Variants in RERE observed in about 807,000 individuals in gnomAD.
RERE encodes the protein arginine-glutamic acid dipeptide repeats protein.
Under a neutral mutation model 146.1 loss-of-function variants are expected in RERE, and 40 were observed. The observed-to-expected ratio is 0.27, with a 90% CI of 0.21 to 0.36. RERE has a LOEUF of 0.36. RERE is among the 10% of genes least tolerant of loss of function. RERE has a pLI of 1.00. For synonymous variants in RERE, 1,003 were observed against 866.0 expected (o/e 1.16, Z -2.78); for missense variants, 1,933 against 2,138.7 (o/e 0.90, Z 1.90).
At chr1:8,435,775 C>G (rs891282413) in intron 11 of RERE, among the ~76,000 whole-genome samples, 1 of 152,240 alleles carries the variant, frequency 6.6e-6, no homozygotes, top group African/African-American at 2.4e-5. Context: ...GCCCATTGAG[C>G]TATCCTATAT....
At chr1:8,638,646 C>T (rs1647132293) in intron 2 of RERE, among the ~76,000 whole-genome samples, 1 of 152,140 alleles carries the variant, frequency 6.6e-6, no homozygotes, top group African/African-American at 2.4e-5. Flanking sequence ...ACTGACCATA[C>T]AACAAATGTT....
At position 8,423,706 on chromosome 1, in the gene RERE, G is replaced by A. The variant is rs1643952954; in HGVS notation, c.1204-899C>T. On this transcript the variant is annotated intron_variant, in intron 11 of 22. Coordinates refer to ENST00000400908, the MANE Select transcript of RERE (RefSeq NM_001042681.2). This position sits in a 1 kb window ranked among gnomAD's most constrained non-coding sequence, Gnocchi z 5.4. ...CGGAGGCGGCCGCGGGTGGCTCGGC[G>A]TGTGACCGCGGCGGGGCCGCGCGGC... is the stretch of plus-strand genomic sequence containing the variant. The A allele has an allele frequency of 2.0e-6, 2 of 981,436 alleles. No homozygotes were observed. Among genetic ancestry groups the A allele is most frequent in the Admixed American group, 6.3e-5 (1 of 15,906 alleles). 60.8% of individuals were successfully genotyped at this position (981,436 alleles called of 1,614,324 possible).
At chr1:8,412,962 T>C (rs1463959532) in intron 12 of RERE, among the ~76,000 whole-genome samples, 1 of 152,224 alleles carries the variant, frequency 6.6e-6, no homozygotes, top group East Asian at 1.9e-4. Flanking sequence ...TGATGGATTT[T>C]TTTTTCCTTT....
At chr1:8,425,549 G>A (rs1570212580) in intron 11 of RERE, 1 of 152,472 alleles carries the variant, frequency 6.6e-6, no homozygotes, top group South Asian at 2.1e-4. Flanking sequence ...CCTCCGTGAA[G>A]GTCAGAGGTG....
chr1:8,502,296 A>G (rs1645179181), intron 8 of RERE, among the ~76,000 whole-genome samples: 1 of 105,980 alleles, frequency 9.4e-6, no homozygotes, highest in African/African-American at 3.9e-5. Context: ...GGAAGTGAGG[A>G]GCCCCTCTGC....
intron 1 of RERE, among the ~76,000 whole-genome samples, chr1:8,658,969 C>T (rs572993537): frequency 6.6e-6 from 1 of 152,278 alleles, no homozygotes; most frequent in Non-Finnish European, 1.5e-5. Flanking sequence ...AGCAATCATG[C>T]ATCATAAGCT....
At chr1:8,741,701 T>A (rs544666524) in intron 1 of RERE, among the ~76,000 whole-genome samples, 1 of 152,334 alleles carries the variant, frequency 6.6e-6, no homozygotes, top group South Asian at 2.1e-4. Flanking sequence ...GAACTGTGAG[T>A]CAATTAAACC....
At chr1:8,725,511 A>G (rs993687744) in intron 1 of RERE, among the ~76,000 whole-genome samples, 1 of 152,236 alleles carries the variant, frequency 6.6e-6, no homozygotes, top group Admixed American at 6.5e-5. Context: ...GGTTGCAGTA[A>G]GCCGACATCG....
At position 8,812,741 on chromosome 1, in the gene RERE, T is replaced by C. The variant is rs574582634; in HGVS notation, c.-145+4419A>G. On this transcript the variant is annotated intron_variant, in intron 1 of 22. Coordinates refer to ENST00000400908, the MANE Select transcript of RERE (RefSeq NM_001042681.2). The stretch of plus-strand genomic sequence containing the variant: ...TGTACTCTCTGACCTAGTTACCTAA[T>C]GTACAGACACACAGTACATCTTATA... Among the ~76,000 whole-genome samples the C allele has an allele frequency of 5.3e-5, 8 of 152,330 alleles. No homozygotes were observed. In the South Asian group the frequency reaches 1.0e-3, roughly 20 times the overall value.
intron 1 of RERE, among the ~76,000 whole-genome samples, chr1:8,769,065 C>A (rs1640898129): frequency 6.6e-6 from 1 of 152,114 alleles, no homozygotes; most frequent in South Asian, 2.1e-4. Flanking sequence ...TGCTTTGGGG[C>A]TATAAGGGTA....
At chr1:8,778,262 T>C (rs1193255264) in intron 1 of RERE, among the ~76,000 whole-genome samples, 1 of 152,236 alleles carries the variant, frequency 6.6e-6, no homozygotes, top group Non-Finnish European at 1.5e-5. Context: ...AAGAAGATGT[T>C]TCTTGATGCG....
intron 2 of RERE, among the ~76,000 whole-genome samples, chr1:8,644,016 C>G (rs1570555194): frequency 6.6e-6 from 1 of 152,194 alleles, no homozygotes; most frequent in Admixed American, 6.5e-5. Context: ...ATTCTATTGA[C>G]CTCACTGTTC....
In RERE at chr1:8,656,307, C is replaced by T; in HGVS notation, c.-10G>A. 2 of 1,611,308 alleles carry T rather than the reference C, an allele frequency of 1.2e-6. No homozygotes were observed. Among genetic ancestry groups the T allele is most frequent in the East Asian group, 2.2e-5 (1 of 44,854 alleles). On this transcript the variant is annotated 5_prime_UTR_variant, in exon 2 of 23. The change creates a new upstream start codon in the 5' untranslated region. Coordinates refer to ENST00000400908, the MANE Select transcript of RERE (RefSeq NM_001042681.2). ...CTTTGTCCGCTGTCATGATTCGCCA[C>T]GTGCCTTCTTCTGTCCTCTCACGGC...
intron 1 of RERE, among the ~76,000 whole-genome samples, chr1:8,662,650 TCAC>T (rs1038183763): frequency 2.6e-5 from 4 of 152,080 alleles, no homozygotes; most frequent in Admixed American, 2.6e-4. Flanking sequence ...TGGGCTGTGA[TCAC>T]CACCACTGCA....
Position 8,352,763 on chromosome 1 carries a change from T to C in RERE, c.*2324A>G, listed in dbSNP as rs1412071745. On this transcript the variant is annotated 3_prime_UTR_variant, in exon 23 of 23. Transcript: ENST00000400908. ...AGGTCAGGGCCTCCTAAACAAACTGTAGTTTATCTGGTGAGGGTTTCGGGT... is the reference window on the plus strand; with the variant it reads ...AGGTCAGGGCCTCCTAAACAAACTGCAGTTTATCTGGTGAGGGTTTCGGGT... 1.3e-5 allele frequency: 2 copies of C among 152,310 alleles called. No homozygotes were observed. Among genetic ancestry groups the C allele is most frequent in the Non-Finnish European group, 2.9e-5 (2 of 68,020 alleles). The allele number at this position is 152,310 out of a possible 1,614,324, so 9.4% of individuals were successfully genotyped here. A position where few individuals can be genotyped will look rare whatever the true frequency, so the allele number is the denominator to read the frequency against.
At chr1:8,719,788 C>A (rs1639827004) in intron 1 of RERE, among the ~76,000 whole-genome samples, 1 of 152,168 alleles carries the variant, frequency 6.6e-6, no homozygotes, top group African/African-American at 2.4e-5. Flanking sequence ...TCTACCACCA[C>A]CCCCAGAGAA....
At chr1:8,733,526 G>A (rs1373758064) in intron 1 of RERE, among the ~76,000 whole-genome samples, 1 of 152,180 alleles carries the variant, frequency 6.6e-6, no homozygotes, top group Non-Finnish European at 1.5e-5. Flanking sequence ...AAAGCCAGGT[G>A]CAGTATCATG....
chr1:8,794,357 C>CAAAAAA (rs34549021), intron 1 of RERE, among the ~76,000 whole-genome samples: 10 of 40,552 alleles, frequency 2.5e-4, no homozygotes, highest in East Asian at 5.8e-4. Context: ...GACTCCGTCT[C>CAAAAAA]AAAAAAAAAA....
chr1:8,479,950 T>C (rs1329009499), intron 10 of RERE, among the ~76,000 whole-genome samples: 1 of 152,126 alleles, frequency 6.6e-6, no homozygotes, highest in East Asian at 1.9e-4. Flanking sequence ...TTTTAGAATT[T>C]TGTAGTATGC....
Sources: allele counts gnomAD v4.1 joint callset (sites outside exome capture counted in the v4.1 genomes callset), GRCh38; gene constraint gnomAD v4.1.1; non-coding constraint Gnocchi (gnomAD v3.1); transcripts MANE v1.5; gene names NCBI Gene and HGNC (gene_info 2026-07-23, HGNC 2026-07-21).